The following RIN2 variants were observed in gnomAD, a reference collection of about 807,000 sequenced individuals.
RIN2 encodes Ras and Rab interactor 2.
RIN2 carries 36 observed loss-of-function variants against 78.0 expected under a neutral mutation model. The ratio of observed to expected loss-of-function variants is 0.46; its 90% CI spans 0.35 to 0.61. The LOEUF is 0.61. Among genes scored for constraint, RIN2 ranks in the 20% least tolerant of loss-of-function variants. The pLI, the probability that RIN2 is intolerant of heterozygous loss-of-function variation, is 0.00. For synonymous variants in RIN2, 466 were observed against 466.8 expected (o/e 1.00, Z 0.02); for missense variants, 1,087 against 1,159.7 (o/e 0.94, Z 0.91).
At chr20:19,994,718 A>G (rs1040883338) in intron 11 of RIN2, among the ~76,000 whole-genome samples, 6 of 152,108 alleles carry the variant, frequency 3.9e-5, no homozygotes, top group African/African-American at 1.4e-4. Context: ...ACTTATGTTC[A>G]TATTGATTTC....
intron 3 of RIN2, among the ~76,000 whole-genome samples, chr20:19,890,061 C>G (rs2038377473): frequency 1.3e-5 from 2 of 151,810 alleles, no homozygotes; most frequent in African/African-American, 4.9e-5. Flanking sequence ...CCAAAACAAA[C>G]AAACAAACAA....
chr20:19,901,484 A>T (rs114030012), intron 3 of RIN2, among the ~76,000 whole-genome samples: 133 of 152,272 alleles, frequency 8.7e-4, no homozygotes, highest in African/African-American at 3.0e-3. Flanking sequence ...GTGCTAGCAC[A>T]ATCAGTGTGC....
chr20:19,927,875 A>C (rs943331182), intron 3 of RIN2, among the ~76,000 whole-genome samples: 1 of 151,690 alleles, frequency 6.6e-6, no homozygotes, highest in Non-Finnish European at 1.5e-5. Flanking sequence ...TAGGAAGAGG[A>C]TTAGAGAGTA....
chr20:19,816,582 C>G (rs1050627438), intron 2 of RIN2, among the ~76,000 whole-genome samples: 1 of 152,168 alleles, frequency 6.6e-6, no homozygotes, highest in Non-Finnish European at 1.5e-5. Flanking sequence ...GGGCTTTTTA[C>G]GTGTCTGTTA....
intron 1 of RIN2, among the ~76,000 whole-genome samples, chr20:19,771,350 T>C (rs997330175): frequency 3.9e-5 from 6 of 152,240 alleles, no homozygotes; most frequent in Non-Finnish European, 8.8e-5. Flanking sequence ...TTTGGAGTTG[T>C]ATGGCAGGAA....
chr20:19,785,389 T>TA (rs533716137), intron 1 of RIN2, among the ~76,000 whole-genome samples: 4 of 152,102 alleles, frequency 2.6e-5, no homozygotes, highest in South Asian at 2.1e-4. Context: ...CAACCTTTAA[T>TA]AAAAAAATCA....
At chr20:19,969,854 G>T (rs2042051923) in intron 7 of RIN2, among the ~76,000 whole-genome samples, 1 of 152,248 alleles carries the variant, frequency 6.6e-6, no homozygotes, top group Admixed American at 6.5e-5. Flanking sequence ...CTTCCTGCCT[G>T]TCTGTGTCAG....
At chr20:19,960,896 G>A (rs1272889004) in intron 6 of RIN2, 85 bp downstream of exon 6, 1 of 779,622 alleles carries the variant, frequency 1.3e-6, no homozygotes, top group Non-Finnish European at 2.1e-6. Context: ...CTCTGGTTAT[G>A]AGATGGGCAG....
At chr20:19,811,593 G>A (rs373031955) in intron 2 of RIN2, among the ~76,000 whole-genome samples, 1 of 152,242 alleles carries the variant, frequency 6.6e-6, no homozygotes, top group Admixed American at 6.5e-5. Flanking sequence ...TTTGAGGCAA[G>A]GAACTAATTT....
intron 2 of RIN2, among the ~76,000 whole-genome samples, chr20:19,842,209 TTTTTTTTG>T (rs2036598700): frequency 1.7e-5 from 1 of 59,690 alleles, no homozygotes; most frequent in Non-Finnish European, 3.3e-5. Context: ...TGTTTCTTTG[TTTTTTTTG>T]TTTGTTTGTT....
chr20:19,804,108 G>A (rs550780560), intron 2 of RIN2, among the ~76,000 whole-genome samples: 213 of 152,286 alleles, frequency 1.4e-3, no homozygotes, highest in Non-Finnish European at 2.7e-3. Context: ...CTGAGACAAT[G>A]TGGTTTTCTA....
intron 4 of RIN2, among the ~76,000 whole-genome samples, chr20:19,950,606 G>A (rs2041273007): frequency 6.6e-6 from 1 of 151,926 alleles, no homozygotes; most frequent in Non-Finnish European, 1.5e-5. Context: ...TTTCAAACAT[G>A]TTTATACTTT....
At chr20:19,779,839 T>C (rs946266373) in intron 1 of RIN2, among the ~76,000 whole-genome samples, 1 of 152,198 alleles carries the variant, frequency 6.6e-6, no homozygotes, top group African/African-American at 2.4e-5. Context: ...GTTACCAGCA[T>C]GTTTTGTGCC....
At chr20:19,764,918 G>GTCTTTTTTTTTTTTTTTTTT (rs1274106795) in intron 1 of RIN2, among the ~76,000 whole-genome samples, 1 of 50,362 alleles carries the variant, frequency 2.0e-5, no homozygotes, top group Non-Finnish European at 3.6e-5. Context: ...CACTTTCTGC[G>GTCTTTTTTTTTTTTTTTTTT]TTTTTTTTTT....
chr20:19,816,158 T>C (rs2035761238), intron 2 of RIN2, among the ~76,000 whole-genome samples: 1 of 152,236 alleles, frequency 6.6e-6, no homozygotes, highest in Admixed American at 6.5e-5. Flanking sequence ...TCTAACTTCC[T>C]TGAGTCTAAT....
At chr20:19,893,067 A>G (rs1427752217) in intron 3 of RIN2, among the ~76,000 whole-genome samples, 3 of 152,228 alleles carry the variant, frequency 2.0e-5, no homozygotes, top group Admixed American at 1.3e-4. Context: ...CAGACACATA[A>G]TTATAAATCA....
At chr20:19,964,768 G>A (rs1185305643) in intron 6 of RIN2, among the ~76,000 whole-genome samples, 184 bp from the exon 7 acceptor site, 1 of 152,220 alleles carries the variant, frequency 6.6e-6, no homozygotes, top group Non-Finnish European at 1.5e-5. Context: ...TGAACTTCCA[G>A]ATCATCGACT....
At chr20:19,767,252 C>G (rs2033925676) in intron 1 of RIN2, among the ~76,000 whole-genome samples, 1 of 152,212 alleles carries the variant, frequency 6.6e-6, no homozygotes, top group Non-Finnish European at 1.5e-5. Context: ...CAAGGCCTGT[C>G]TGTCTAGATT....
At chr20:19,816,932 T>C (rs922791263) in intron 2 of RIN2, among the ~76,000 whole-genome samples, 1 of 152,198 alleles carries the variant, frequency 6.6e-6, no homozygotes, top group East Asian at 1.9e-4. Flanking sequence ...TTTATCATAA[T>C]ATACTGTGTA....
Sources: allele counts gnomAD v4.1 joint callset (sites outside exome capture counted in the v4.1 genomes callset), GRCh38; gene constraint gnomAD v4.1.1; transcripts MANE v1.5; gene names NCBI Gene and HGNC (gene_info 2026-07-23, HGNC 2026-07-21).